The following DYNC1H1 variants were observed in gnomAD, a reference collection of about 807,000 sequenced individuals.
The protein encoded by DYNC1H1 is cytoplasmic dynein 1 heavy chain 1.
Under a neutral mutation model 527.1 loss-of-function variants are expected in DYNC1H1, and 51 were observed. The observed-to-expected ratio is 0.10, with a 90% CI of 0.08 to 0.12. DYNC1H1 has a LOEUF of 0.12. Among genes scored for constraint, DYNC1H1 ranks in the 10% least tolerant of loss-of-function variants. The pLI is 1.00. For synonymous variants in DYNC1H1, 2,189 were observed against 2,278.8 expected (o/e 0.96, Z 1.12); for missense variants, 2,771 against 5,971.8 (o/e 0.46, Z 17.66).
Position 102,009,829 on chromosome 14 carries a change from C to T in DYNC1H1, c.5978-14C>T, listed in dbSNP as rs1159091499. ...TTAACATTTCTAGTCTTAACGCTAT[C>T]ATCTCATTCTCAGCCTCTGCCCCCA... On this transcript the variant is annotated splice_polypyrimidine_tract_variant and intron_variant, in intron 29 of 77. Transcript: ENST00000360184. 1.2e-6 allele frequency: 2 copies of T among 1,613,644 alleles called. No individual in the cohort carries two copies. Among genetic ancestry groups the T allele is most frequent in the Non-Finnish European group, 1.7e-6 (2 of 1,179,874 alleles).
Position 102,027,941 on chromosome 14 carries a change from G to A in DYNC1H1, c.9268G>A (p.Val3090Met). The A allele has an allele frequency of 6.2e-7, 1 of 1,614,202 alleles. No homozygotes were observed. Among genetic ancestry groups the A allele is most frequent in the Non-Finnish European group, 8.5e-7 (1 of 1,180,034 alleles). Reference protein sequence around the residue: ...ATSPALFNRCVLNWFGDWSTE... With the variant: ...ATSPALFNRCMLNWFGDWSTE... ...AAACATGGGCCTCTTTCTCAGGTGT[G>A]TGTTGAATTGGTTTGGAGACTGGTC... Residue 3090 changes from valine (V) to methionine (M), a missense_variant, in exon 48 of 78, where the codon GTG becomes ATG. By Grantham distance (21) the Val-to-Met change is conservative. Coordinates refer to ENST00000360184, the MANE Select transcript of DYNC1H1 (RefSeq NM_001376.5). This position sits in a 1 kb window ranked among gnomAD's most constrained non-coding sequence, Gnocchi z 7.7.
rs977186240 is a variant in DYNC1H1, at chr14:102,048,014, G to A, written c.13204G>A (p.Val4402Met). 20 of 1,611,190 alleles carry A rather than the reference G, an allele frequency of 1.2e-5. No homozygotes were observed. Among genetic ancestry groups the A allele is most frequent in the African/African-American group, 4.0e-5 (3 of 74,888 alleles). The change falls in exon 73 of 78, where the codon GTG (valine) becomes ATG (methionine). Residue 4402 changes from valine (V) to methionine (M), a missense_variant. By Grantham distance (21) the Val-to-Met change is conservative. Coordinates refer to ENST00000360184, the MANE Select transcript of DYNC1H1 (RefSeq NM_001376.5). ...GACGCTGAGCCACCTCAAGCGCACC[G>A]TGGAGAATATCAAGGTAGCTGGGAG... ...PQTLSHLKRT[V>M]ENIKDPLFRF...
In DYNC1H1 at chr14:102,041,511, C is replaced by A; in HGVS notation, c.11942-63C>A. 18 of 1,610,276 alleles carry A rather than the reference C, an allele frequency of 1.1e-5. No individual in the cohort carries two copies. The highest frequency in any genetic ancestry group is 1.4e-5 in the Non-Finnish European group (17 of 1,178,204). On this transcript the variant is annotated intron_variant, in intron 64 of 77. Coordinates refer to ENST00000360184, the MANE Select transcript of DYNC1H1 (RefSeq NM_001376.5). The surrounding 1 kb of genome is among the most constrained non-coding windows in gnomAD (Gnocchi z 4.5). Reference sequence around the variant, plus strand: ...GGTACTTTGGGAAGAACAGTCCAGGCAGGGGAGGGCGTCTCTGAGTCCATG... The same window carrying A: ...GGTACTTTGGGAAGAACAGTCCAGGAAGGGGAGGGCGTCTCTGAGTCCATG...
chr14:102,045,302 CAAAA>C (rs34968643), intron 72 of DYNC1H1: 10 of 87,690 alleles, frequency 1.1e-4, no homozygotes, highest in Non-Finnish European at 1.6e-4. Flanking sequence ...GACTCTGTCT[CAAAA>C]AAAAAAAAAA....
Position 101,965,818 on chromosome 14 carries a change from A to T in DYNC1H1, c.256+871A>T, listed in dbSNP as rs1485489513. ...TATTTGAGTCTAATTTTACAGATTA[A>T]AAAAAAAAAAAAAGATTCAGGTTAG... On this transcript the variant is annotated intron_variant, in intron 1 of 77. Coordinates refer to ENST00000360184, the MANE Select transcript of DYNC1H1 (RefSeq NM_001376.5). The surrounding 1 kb of genome is among the most constrained non-coding windows in gnomAD (Gnocchi z 4.1). Among the ~76,000 whole-genome samples, 3 of 95,038 alleles carry T rather than the reference A, an allele frequency of 3.2e-5. No homozygotes were observed. The highest frequency in any genetic ancestry group is 1.9e-4 in the African/African-American group (3 of 16,146). The allele number at this position is 95,038 out of a possible 152,430, so 62.3% of individuals were successfully genotyped here. A position where few individuals can be genotyped will look rare whatever the true frequency, so the allele number is the denominator to read the frequency against.
Position 101,986,878 on chromosome 14 carries a change from G to A in DYNC1H1, c.2538+115G>A, listed in dbSNP as rs574718716. 22 of 1,261,470 alleles carry A rather than the reference G, an allele frequency of 1.7e-5. 1 individual carries two copies. The highest frequency in any genetic ancestry group is 1.0e-4 in the African/African-American group (7 of 68,178). 78.1% of individuals were successfully genotyped at this position (1,261,470 alleles called of 1,614,324 possible). A position where few individuals can be genotyped will look rare whatever the true frequency, so the allele number is the denominator to read the frequency against. On this transcript the variant is annotated intron_variant, in intron 8 of 77. Transcript: ENST00000360184. The surrounding 1 kb of genome is among the most constrained non-coding windows in gnomAD (Gnocchi z 8.7). ...GGCATGCATGGTTGATGCAGCATAC[G>A]GCCATGTGAGCTGCAAGGGAGGAGG...
rs757464584 is a variant in DYNC1H1 at position 102,038,259 on chromosome 14, G to A, written c.10909-201G>A. 93 of 838,168 alleles carry A rather than the reference G, an allele frequency of 1.1e-4. No homozygotes were observed. The highest frequency in any genetic ancestry group is 1.5e-4 in the Non-Finnish European group (81 of 533,082). 51.9% of individuals were successfully genotyped at this position (838,168 alleles called of 1,614,324 possible). A position where few individuals can be genotyped will look rare whatever the true frequency, so the allele number is the denominator to read the frequency against. ...CTCCCAAAGTGCTGGAATTACAGGC[G>A]TGAGCCACCGCATCTGGCTGAGTTT... On this transcript the variant is annotated intron_variant, in intron 57 of 77. Transcript: ENST00000360184. This position sits in a 1 kb window ranked among gnomAD's most constrained non-coding sequence, Gnocchi z 7.2.
In DYNC1H1 at chr14:102,047,917, G is replaced by A. The variant is rs369577172; in HGVS notation, c.13107G>A (p.Thr4369=). 1.6e-5 allele frequency: 26 copies of A among 1,613,452 alleles called. No homozygotes were observed. The highest frequency in any genetic ancestry group is 1.6e-4 in the Middle Eastern group (1 of 6,084). ...ETEKKTRTDS[T]SDGRPAWMRT... Reference sequence around the variant, plus strand: ...AGAAGAAGACGAGGACAGACTCCACGTCCGACGGGCGCCCTGCCTGGATGC... The same window carrying A: ...AGAAGAAGACGAGGACAGACTCCACATCCGACGGGCGCCCTGCCTGGATGC... The change falls in exon 73 of 78, where the codon ACG becomes ACA. Residue 4369 remains threonine (T), a synonymous_variant. Transcript: ENST00000360184.
chr14:102,012,258 C>T lies in DYNC1H1; in HGVS notation c.6858-56C>T. 1.2e-6 allele frequency: 2 copies of T among 1,613,472 alleles called. No individual in the cohort carries two copies. Among genetic ancestry groups the T allele is most frequent in the Non-Finnish European group, 1.7e-6 (2 of 1,179,476 alleles). ...TCAGAAACCATCATCGGTAAACATG[C>T]CTAATGTTAAAATCTTGATTTAATC... On this transcript the variant is annotated intron_variant, in intron 33 of 77. Coordinates refer to ENST00000360184, the MANE Select transcript of DYNC1H1 (RefSeq NM_001376.5). This position sits in a 1 kb window ranked among gnomAD's most constrained non-coding sequence, Gnocchi z 4.9.
At position 101,964,622 on chromosome 14, in the gene DYNC1H1, C is replaced by G; in HGVS notation, c.-70C>G. 2.0e-6 allele frequency: 3 copies of G among 1,532,448 alleles called. No individual in the cohort carries two copies. The highest frequency in any genetic ancestry group is 1.7e-6 in the Non-Finnish European group (2 of 1,145,374). The allele number at this position is 1,532,448 out of a possible 1,614,324, so 94.9% of individuals were successfully genotyped here. On this transcript the variant is annotated 5_prime_UTR_variant, in exon 1 of 78. Coordinates refer to ENST00000360184, the MANE Select transcript of DYNC1H1 (RefSeq NM_001376.5). This position sits in a 1 kb window ranked among gnomAD's most constrained non-coding sequence, Gnocchi z 5.5. The stretch of plus-strand genomic sequence containing the variant: ...TCCGGCTTCCGGCGGCCGTTTCTGT[C>G]TCTTGCTGGCTGTCTCGCTGAGTCG...
chr14:101,974,440 G>A (rs532593491), intron 1 of DYNC1H1, among the ~76,000 whole-genome samples: 6 of 152,104 alleles, frequency 3.9e-5, no homozygotes, highest in Non-Finnish European at 7.3e-5. Flanking sequence ...GGTGAACTAT[G>A]TATAAAATAA....
In DYNC1H1 at chr14:102,050,723, A is replaced by G; in HGVS notation, c.*160A>G. 8.4e-7 allele frequency: 1 copy of G among 1,197,414 alleles called. No homozygotes were observed. The highest frequency in any genetic ancestry group is 1.3e-5 in the South Asian group (1 of 77,296). The allele number at this position is 1,197,414 out of a possible 1,614,324, so 74.2% of individuals were successfully genotyped here. On this transcript the variant is annotated 3_prime_UTR_variant, in exon 78 of 78. Transcript: ENST00000360184. ...GACGGTTGGGAGTGGTGGAAATTGG[A>G]AGGATACCAGGAGGTATTTGGGAAG...
Position 102,028,156 on chromosome 14 carries a change from G to T in DYNC1H1, c.9468+15G>T. On this transcript the variant is annotated intron_variant, in intron 48 of 77. Coordinates refer to ENST00000360184, the MANE Select transcript of DYNC1H1 (RefSeq NM_001376.5). Reference sequence around the variant, plus strand: ...CTCTTCACCAGGTGGGTTCAGTTTTGAGATCAACAGATAAACCACAAAACT... The same window carrying T: ...CTCTTCACCAGGTGGGTTCAGTTTTTAGATCAACAGATAAACCACAAAACT... 1 of 1,613,546 alleles carries T rather than the reference G, an allele frequency of 6.2e-7. No individual in the cohort carries two copies. The highest frequency in any genetic ancestry group is 1.1e-5 in the South Asian group (1 of 90,982).
Position 101,980,510 on chromosome 14 carries a change from C to G in DYNC1H1, c.921C>G (p.Gly307=). 1 of 1,614,196 alleles carries G rather than the reference C, an allele frequency of 6.2e-7. No homozygotes were observed. The highest frequency in any genetic ancestry group is 8.5e-7 in the Non-Finnish European group (1 of 1,180,032). ...TGACTCTGGATATCTTGAAACATGG[C>G]AAGCGCTTCCATGCCACCGTCAGTT... The part of the protein sequence containing the change: ...VLLTLDILKH[G]KRFHATVSFD... Residue 307 remains glycine (G), a synonymous_variant, in exon 5 of 78, where the codon GGC becomes GGG. Transcript: ENST00000360184.
At chr14:102,007,704 A>G (rs1342778965) in intron 28 of DYNC1H1, among the ~76,000 whole-genome samples, 1 of 152,170 alleles carries the variant, frequency 6.6e-6, no homozygotes, top group Non-Finnish European at 1.5e-5. Context: ...AGATTGTCAG[A>G]GTCAGGGTTT....
intron 11 of DYNC1H1, among the ~76,000 whole-genome samples, chr14:101,992,093 C>T (rs1175575381): frequency 8.5e-5 from 13 of 152,072 alleles, no homozygotes; most frequent in Non-Finnish European, 1.2e-4. Flanking sequence ...TATCTTGAAG[C>T]AAATCTCAGA....
chr14:101,980,651 A>G (rs988737338), intron 5 of DYNC1H1, 101 bp downstream of exon 5: 20 of 1,393,612 alleles, frequency 1.4e-5, no homozygotes, highest in Non-Finnish European at 1.8e-5. Context: ...TCACAGATGT[A>G]CTGTCGTTTT....
intron 8 of DYNC1H1, 110 bp from the exon 9 acceptor site, chr14:101,987,343 A>G (rs2047948467): frequency 4.9e-6 from 6 of 1,230,092 alleles, no homozygotes; most frequent in Non-Finnish European, 5.8e-6. Flanking sequence ...TTATGGAAGA[A>G]CTGTGCCTGG....
In DYNC1H1 at chr14:101,997,363, G is replaced by A. The variant is rs1207377187; in HGVS notation, c.3804+89G>A. The A allele has an allele frequency of 5.0e-6, 8 of 1,599,060 alleles. No individual in the cohort carries two copies. Among genetic ancestry groups the A allele is most frequent in the African/African-American group, 4.0e-5 (3 of 74,830 alleles). Reference sequence around the variant, plus strand: ...TTTCAAGCCTAAAAGGCCTTGCTGTGACTGAGCTTTCTAGTATTGAAGACT... The same window carrying A: ...TTTCAAGCCTAAAAGGCCTTGCTGTAACTGAGCTTTCTAGTATTGAAGACT... On this transcript the variant is annotated intron_variant, in intron 16 of 77. Coordinates refer to ENST00000360184, the MANE Select transcript of DYNC1H1 (RefSeq NM_001376.5). The surrounding 1 kb of genome is among the most constrained non-coding windows in gnomAD (Gnocchi z 4.8).
Sources: allele counts gnomAD v4.1 joint callset (sites outside exome capture counted in the v4.1 genomes callset), GRCh38; gene constraint gnomAD v4.1.1; non-coding constraint Gnocchi (gnomAD v3.1); transcripts MANE v1.5; gene names NCBI Gene and HGNC (gene_info 2026-07-23, HGNC 2026-07-21).